Variants in AP3B1 observed in about 807,000 individuals in gnomAD.
The protein encoded by AP3B1 is adaptor related protein complex 3 subunit beta 1.
In AP3B1, 61 loss-of-function variants were observed where a neutral mutation model predicts 132.5. The ratio of observed to expected loss-of-function variants is 0.46; its 90% CI spans 0.37 to 0.57. AP3B1 has a LOEUF of 0.57. AP3B1 is among the 20% of genes least tolerant of loss of function. The pLI, the probability that AP3B1 is intolerant of heterozygous loss-of-function variation, is 0.00. For synonymous variants in AP3B1, 388 were observed against 438.3 expected, an observed-to-expected ratio of 0.89 and a Z score of 1.43; for missense variants, 1,120 against 1,289.4, an observed-to-expected ratio of 0.87 and a Z score of 2.01.
chr5:78,043,880 TCTC>T lies in AP3B1; in HGVS notation c.2578-4609_2578-4607del, dbSNP rs1462247507. The T allele has an allele frequency of 2.2e-5, 8 of 355,852 alleles. 1 individual carries two copies. The East Asian group carries it at 3.7e-4, about 16-fold the overall frequency. The allele number at this position is 355,852 out of a possible 1,614,324, so 22.0% of individuals were successfully genotyped here. The stretch of plus-strand genomic sequence containing the variant: ...CAGGCATTGACATGACCAAGGCTGA[TCTC>T]CTAATTTGGGAACCATTACCATGGG... On this transcript the variant is annotated intron_variant, in intron 22 of 26. Transcript: ENST00000255194.
rs749943801 is a variant in AP3B1, at chr5:78,089,381, A to G, written c.2577+12T>C. ...AAGAAAACCGAGCTGGTGGATTTTAAAAATAACTTACACTGATGACTGAAG... is the reference window on the plus strand; with the variant it reads ...AAGAAAACCGAGCTGGTGGATTTTAGAAATAACTTACACTGATGACTGAAG... On this transcript the variant is annotated intron_variant, in intron 22 of 26. Coordinates refer to ENST00000255194, the MANE Select transcript of AP3B1 (RefSeq NM_003664.5). 6.3e-7 allele frequency: 1 copy of G among 1,584,322 alleles called. No homozygotes were observed.
chr5:78,193,762 A>ATTT (rs1561469558), intron 7 of AP3B1, among the ~76,000 whole-genome samples: 2 of 107,896 alleles, frequency 1.9e-5, no homozygotes, highest in African/African-American at 3.4e-5. Flanking sequence ...ATATATATAT[A>ATTT]TATATATATT....
intron 3 of AP3B1, among the ~76,000 whole-genome samples, chr5:78,239,652 G>A (rs13165363): frequency 0.33 from 49,394 of 150,620 alleles, 8,576 homozygotes; most frequent in Non-Finnish European, 0.4. Context: ...GGTTGTAAGC[G>A]CCTGTAGTCC....
At chr5:78,062,862 A>G (rs1561382170) in intron 22 of AP3B1, among the ~76,000 whole-genome samples, 1 of 152,204 alleles carries the variant, frequency 6.6e-6, no homozygotes, top group East Asian at 1.9e-4. Flanking sequence ...GAGGTGCCGT[A>G]TGAGAGATGA....
At chr5:78,105,144 A>G (rs2112241237) in intron 20 of AP3B1, among the ~76,000 whole-genome samples, 1 of 152,316 alleles carries the variant, frequency 6.6e-6, no homozygotes, top group South Asian at 2.1e-4. Flanking sequence ...CTCACAATAA[A>G]TTACAATCAT....
chr5:78,019,266 G>A (rs1011505466), intron 25 of AP3B1, among the ~76,000 whole-genome samples: 1 of 152,076 alleles, frequency 6.6e-6, no homozygotes, highest in South Asian at 2.1e-4. Context: ...TGTATGGCTA[G>A]TCAGCGAAAA....
At chr5:78,024,125 C>A (rs895718496) in intron 24 of AP3B1, among the ~76,000 whole-genome samples, 19 of 151,742 alleles carry the variant, frequency 1.3e-4, no homozygotes, top group Admixed American at 1.2e-3. Context: ...GTAGGCTACT[C>A]GAAGAATGAG....
intron 2 of AP3B1, among the ~76,000 whole-genome samples, chr5:78,254,033 A>C (rs1364970809): frequency 6.6e-6 from 1 of 151,918 alleles, no homozygotes; most frequent in Non-Finnish European, 1.5e-5. Flanking sequence ...TCAATCAGAA[A>C]TTCTAGAGTT....
chr5:78,123,171 C>T (rs1752302872), intron 17 of AP3B1, among the ~76,000 whole-genome samples: 1 of 152,218 alleles, frequency 6.6e-6, no homozygotes, highest in Non-Finnish European at 1.5e-5. Context: ...TGGATCCCTT[C>T]CTTACACCTT....
At chr5:78,090,888 G>C (rs1449772141) in intron 21 of AP3B1, among the ~76,000 whole-genome samples, 2 of 151,832 alleles carry the variant, frequency 1.3e-5, no homozygotes, top group Non-Finnish European at 2.9e-5. Flanking sequence ...CCCTTCCTGG[G>C]CCCAAGCAAT....
At chr5:78,266,558 C>G (rs1748331338) in intron 2 of AP3B1, among the ~76,000 whole-genome samples, 1 of 152,114 alleles carries the variant, frequency 6.6e-6, no homozygotes, top group Non-Finnish European at 1.5e-5. Context: ...ATGGCACTGC[C>G]TGCTGGAAAA....
intron 17 of AP3B1, among the ~76,000 whole-genome samples, chr5:78,121,413 T>C (rs1344408256): frequency 6.6e-6 from 1 of 152,154 alleles, no homozygotes; most frequent in African/African-American, 2.4e-5. Flanking sequence ...GGAGCTGCTT[T>C]TTTGAAAAGA....
chr5:78,110,168 A>G, intron 20 of AP3B1, 39 bp downstream of exon 20: 1 of 1,562,162 alleles, frequency 6.4e-7, no homozygotes, highest in Non-Finnish European at 8.7e-7. Flanking sequence ...TGCTATAAGA[A>G]TATTTACCTT....
At chr5:78,014,756 G>C (rs1561354058) in intron 26 of AP3B1, among the ~76,000 whole-genome samples, 1 of 152,148 alleles carries the variant, frequency 6.6e-6, no homozygotes, top group Non-Finnish European at 1.5e-5. Context: ...AAATGGATAA[G>C]AGATAATTAT....
At chr5:78,066,971 A>T (rs1237529237) in intron 22 of AP3B1, among the ~76,000 whole-genome samples, 2 of 152,214 alleles carry the variant, frequency 1.3e-5, no homozygotes, top group African/African-American at 2.4e-5. Flanking sequence ...GACCTCTCAC[A>T]GAAACCCTAC....
At chr5:78,143,472 TAATATC>T (rs1294780410) in intron 14 of AP3B1, among the ~76,000 whole-genome samples, 1 of 152,084 alleles carries the variant, frequency 6.6e-6, no homozygotes, top group African/African-American at 2.4e-5. Flanking sequence ...CCACAAGAAA[TAATATC>T]AATATAAATA....
intron 22 of AP3B1, among the ~76,000 whole-genome samples, chr5:78,054,486 A>G (rs1017606593): frequency 2.0e-5 from 3 of 149,698 alleles, no homozygotes; most frequent in African/African-American, 7.5e-5. Context: ...CACACAAACA[A>G]TCTTGGTAGT....
chr5:78,102,017 T>C (rs1751149765), intron 20 of AP3B1, among the ~76,000 whole-genome samples: 1 of 152,108 alleles, frequency 6.6e-6, no homozygotes, highest in African/African-American at 2.4e-5. Context: ...TTTAAATATA[T>C]ATTAGATTCT....
At chr5:78,006,961 T>G (rs1355784940) in intron 26 of AP3B1, among the ~76,000 whole-genome samples, 1 of 152,202 alleles carries the variant, frequency 6.6e-6, no homozygotes, top group Non-Finnish European at 1.5e-5. Context: ...AAAAGTTTCA[T>G]TCTTCTTAAA....
Sources: gnomAD v4.1 joint callset for allele counts (sites outside exome capture counted in the v4.1 genomes callset) on GRCh38, gnomAD v4.1.1 for gene constraint, MANE v1.5 for transcripts, NCBI Gene and HGNC (gene_info 2026-07-23, HGNC 2026-07-21) for gene names.